Variants in EYA3 observed in about 807,000 individuals in gnomAD.
EYA3 encodes the protein EYA transcriptional coactivator and phosphatase 3, also known as protein phosphatase EYA3.
Under a neutral mutation model 80.0 loss-of-function variants are expected in EYA3, and 39 were observed. That is an observed-to-expected ratio of 0.49 (90% CI 0.38 to 0.64). The LOEUF is 0.64. Ranked by LOEUF, EYA3 falls within the 30% of genes least tolerant of loss-of-function variation. EYA3 has a pLI of 0.00. For missense variants in EYA3, 523 were observed against 676.1 expected (o/e 0.77, Z 2.51); for synonymous variants, 206 against 232.8 (o/e 0.88, Z 1.05).
intron 17 of EYA3, chr1:27,977,416 A>G: frequency 1.3e-6 from 2 of 1,547,476 alleles, no homozygotes; most frequent in South Asian, 2.4e-5. Context: ...TGGGATAGGG[A>G]GGGAAAGAAC....
intron 17 of EYA3, among the ~76,000 whole-genome samples, chr1:27,975,578 C>T (rs1210176042): frequency 2.0e-5 from 3 of 149,868 alleles, no homozygotes; most frequent in Non-Finnish European, 4.4e-5. Flanking sequence ...CTCCGCCTCC[C>T]GGGTTCACGC....
Position 28,013,387 on chromosome 1 carries a change from T to C in EYA3, c.586-93A>G. The C allele has an allele frequency of 8.9e-7, 1 of 1,117,490 alleles. No individual in the cohort carries two copies. Among genetic ancestry groups the C allele is most frequent in the Admixed American group, 2.8e-5 (1 of 35,392 alleles). 69.2% of individuals were successfully genotyped at this position (1,117,490 alleles called of 1,614,324 possible). ...TCTTCTCCCTCTTTCTTATTCATAATTATTTTTCTAAAACATTAATTTGAC... is the reference window on the plus strand; with the variant it reads ...TCTTCTCCCTCTTTCTTATTCATAACTATTTTTCTAAAACATTAATTTGAC... On this transcript the variant is annotated intron_variant, in intron 8 of 17. Transcript: ENST00000373871. This position sits in a 1 kb window ranked among gnomAD's most constrained non-coding sequence, Gnocchi z 4.0.
At chr1:28,032,922 C>A (rs951137492) in intron 6 of EYA3, among the ~76,000 whole-genome samples, 9 of 152,146 alleles carry the variant, frequency 5.9e-5, no homozygotes, top group African/African-American at 1.4e-4. Context: ...CAGGCTTTTA[C>A]TAATTGTATG....
chr1:27,980,915 G>A (rs1022874438), intron 16 of EYA3, among the ~76,000 whole-genome samples: 5 of 152,138 alleles, frequency 3.3e-5, no homozygotes, highest in African/African-American at 9.7e-5. Context: ...GGTGGAACAC[G>A]CCTGAAGTCC....
chr1:28,000,058 C>A lies in EYA3; in HGVS notation c.994-9G>T. The A allele has an allele frequency of 1.3e-6, 2 of 1,578,916 alleles. No individual in the cohort carries two copies. Among genetic ancestry groups the A allele is most frequent in the Non-Finnish European group, 8.6e-7 (1 of 1,165,298 alleles). On this transcript the variant is annotated splice_polypyrimidine_tract_variant and intron_variant, in intron 11 of 17. Coordinates refer to ENST00000373871, the MANE Select transcript of EYA3 (RefSeq NM_001990.4). ...ATCACTACTGTTGGGTCCTAGAAGA[C>A]AATAAGAAAAAATCAGCTTGACTTG...
chr1:27,989,773 A>G lies in EYA3; in HGVS notation c.1342T>C (p.Leu448=), dbSNP rs1190828522. 1 of 1,611,634 alleles carries G rather than the reference A, an allele frequency of 6.2e-7. No individual in the cohort carries two copies. Among genetic ancestry groups the G allele is most frequent in the East Asian group, 2.2e-5 (1 of 44,622 alleles). Residue 448 remains leucine (L), a synonymous_variant, in exon 15 of 18, where the codon TTA becomes CTA. Transcript: ENST00000373871. The part of the protein sequence containing the change: ...SPQRKEALQR[L]RAEIEVLTDS... ...GTTAAAACTTCAATTTCTGCTCTTAATCTCTGCAGTGCTTCCTTCCTCTGG... is the reference window on the plus strand; with the variant it reads ...GTTAAAACTTCAATTTCTGCTCTTAGTCTCTGCAGTGCTTCCTTCCTCTGG...
intron 6 of EYA3, chr1:28,032,073 A>T (rs1010992617): frequency 3.9e-5 from 6 of 152,140 alleles, no homozygotes; most frequent in Non-Finnish European, 1.5e-5. Flanking sequence ...TAGTGAAGAT[A>T]CCCAATCAGC....
intron 1 of EYA3, among the ~76,000 whole-genome samples, chr1:28,073,848 T>A (rs1645114866): frequency 6.6e-6 from 1 of 152,196 alleles, no homozygotes; most frequent in Non-Finnish European, 1.5e-5. Context: ...TATAATAGGA[T>A]CTACTTAGAT....
At chr1:28,081,560 T>C (rs774777365) in intron 1 of EYA3, among the ~76,000 whole-genome samples, 5 of 152,184 alleles carry the variant, frequency 3.3e-5, no homozygotes, top group Non-Finnish European at 5.9e-5. Flanking sequence ...CCAAAATTCA[T>C]ACATGTATAT....
At chr1:27,980,592 G>A (rs924656822) in intron 16 of EYA3, among the ~76,000 whole-genome samples, 2 of 152,190 alleles carry the variant, frequency 1.3e-5, no homozygotes, top group Non-Finnish European at 2.9e-5. Flanking sequence ...CAATACAGTT[G>A]GTAAAATACT....
Position 28,088,557 on chromosome 1 carries a change from G to C in EYA3, c.-102C>G, listed in dbSNP as rs1409983578. ...TGTAAAAGCCCCACAACAGGACATG[G>C]AGATCAGTCCAGACCCACAGTAGAA... On this transcript the variant is annotated 5_prime_UTR_variant, in exon 1 of 18. Coordinates refer to ENST00000373871, the MANE Select transcript of EYA3 (RefSeq NM_001990.4). 1.3e-5 allele frequency: 2 copies of C among 152,876 alleles called. No individual in the cohort carries two copies. The highest frequency in any genetic ancestry group is 2.9e-5 in the Non-Finnish European group (2 of 68,228). 9.5% of individuals were successfully genotyped at this position (152,876 alleles called of 1,614,324 possible). A position where few individuals can be genotyped will look rare whatever the true frequency, so the allele number is the denominator to read the frequency against.
At chr1:28,048,305 C>A (rs1255724543) in intron 3 of EYA3, 78 bp downstream of exon 3, 1 of 943,814 alleles carries the variant, frequency 1.1e-6, no homozygotes, top group Non-Finnish European at 1.6e-6. Context: ...CAAAGCATGC[C>A]CATACGCTAA....
chr1:28,086,994 T>C (rs1056542753), intron 1 of EYA3, among the ~76,000 whole-genome samples: 2 of 152,196 alleles, frequency 1.3e-5, no homozygotes, highest in Non-Finnish European at 2.9e-5. Flanking sequence ...TATCATATAA[T>C]GAAGATTTTT....
chr1:28,004,554 G>A, intron 10 of EYA3, 135 bp from the exon 11 acceptor site: 1 of 563,286 alleles, frequency 1.8e-6, no homozygotes, highest in South Asian at 2.7e-5. Context: ...AACAACCAAT[G>A]CGTCAAAGAA....
intron 3 of EYA3, 46 bp downstream of exon 3, chr1:28,048,337 C>T: frequency 7.3e-7 from 1 of 1,361,122 alleles, no homozygotes; most frequent in Non-Finnish European, 1.0e-6. Flanking sequence ...AAAAAAAAAA[C>T]AAAACTTATG....
At chr1:28,044,925 C>T (rs1643946787) in intron 3 of EYA3, among the ~76,000 whole-genome samples, 1 of 152,024 alleles carries the variant, frequency 6.6e-6, no homozygotes, top group Admixed American at 6.6e-5. Flanking sequence ...GCATGTGCCA[C>T]AACACCCAGC....
intron 6 of EYA3, among the ~76,000 whole-genome samples, chr1:28,029,232 A>G (rs1438218650): frequency 2.0e-5 from 3 of 152,228 alleles, no homozygotes; most frequent in Non-Finnish European, 4.4e-5. Context: ...GAAATAGCAC[A>G]CATACCTTTA....
intron 7 of EYA3, among the ~76,000 whole-genome samples, chr1:28,023,891 G>A (rs1485894254): frequency 6.6e-6 from 1 of 152,086 alleles, no homozygotes; most frequent in Non-Finnish European, 1.5e-5. Context: ...GGATATATGG[G>A]AACTCTCTGT....
intron 1 of EYA3, among the ~76,000 whole-genome samples, chr1:28,069,548 TAA>T (rs11323301): frequency 3.3e-4 from 37 of 111,570 alleles, no homozygotes; most frequent in Non-Finnish European, 4.6e-4. Flanking sequence ...CCAATCTATT[TAA>T]AAAAAAAAAA....
Sources: gnomAD v4.1 joint callset for allele counts (sites outside exome capture counted in the v4.1 genomes callset) on GRCh38, gnomAD v4.1.1 for gene constraint, Gnocchi (gnomAD v3.1) non-coding constraint, MANE v1.5 for transcripts, NCBI Gene and HGNC (gene_info 2026-07-23, HGNC 2026-07-21) for gene names.